The following SCAMP4 variants were observed in gnomAD, a reference collection of about 807,000 sequenced individuals.
The protein encoded by SCAMP4 is secretory carrier-associated membrane protein 4.
A neutral mutation model predicts 32.1 loss-of-function variants in SCAMP4; 19 were observed. That is an observed-to-expected ratio of 0.59 (90% CI 0.41 to 0.87). SCAMP4 has a LOEUF of 0.87. SCAMP4 is among the 40% of genes least tolerant of loss of function. The pLI, the probability that SCAMP4 is intolerant of heterozygous loss-of-function variation, is 0.00. For missense variants in SCAMP4, 302 were observed against 309.0 expected, an observed-to-expected ratio of 0.98 and a Z score of 0.17; for synonymous variants, 152 against 132.7, an observed-to-expected ratio of 1.15 and a Z score of -1.00.
At chr19:1,919,033 A>C (rs748968661) in intron 5 of SCAMP4, 43 bp downstream of exon 5, 2 of 1,570,332 alleles carry the variant, frequency 1.3e-6, no homozygotes, top group South Asian at 2.3e-5. Flanking sequence ...GATGTGGCTC[A>C]GCTGCCAGGT....
At chr19:1,913,119 G>A (rs779984090) in intron 1 of SCAMP4, 4 of 1,584,194 alleles carry the variant, frequency 2.5e-6, no homozygotes, top group Non-Finnish European at 1.7e-6. Context: ...GGTGCTGGAG[G>A]AGCAGTGCCG....
chr19:1,918,085 C>T (rs866131306), intron 3 of SCAMP4, 42 bp from the exon 4 acceptor site: 1 of 1,578,142 alleles, frequency 6.3e-7, no homozygotes, highest in Non-Finnish European at 8.6e-7. Context: ...CACGGCCACA[C>T]CCTCCCGTGC....
rs1433167344 is a variant in SCAMP4, at chr19:1,920,438, C to G, written c.395+1448C>G. The G allele has an allele frequency of 6.6e-6, 4 of 606,692 alleles. No individual in the cohort carries two copies. In the African/African-American group the frequency reaches 8.0e-5, roughly 12 times the overall value. The allele number at this position is 606,692 out of a possible 1,614,324, so 37.6% of individuals were successfully genotyped here. A position where few individuals can be genotyped will look rare whatever the true frequency, so the allele number is the denominator to read the frequency against. ...GCCCCTCGATCTGCAGGCCTCTCCC[C>G]TCCTGCACCTGCGCCTGGCGCCAGG... On this transcript the variant is annotated intron_variant, in intron 5 of 6. Transcript: ENST00000316097.
chr19:1,914,360 C>T (rs1436611678), intron 1 of SCAMP4, among the ~76,000 whole-genome samples: 1 of 152,048 alleles, frequency 6.6e-6, no homozygotes, highest in Non-Finnish European at 1.5e-5. Context: ...CTCCTGGCCC[C>T]GTGCCCGCCC....
At chr19:1,917,970 G>A in intron 3 of SCAMP4, 148 bp downstream of exon 3, 10 of 1,362,682 alleles carry the variant, frequency 7.3e-6, no homozygotes, top group Non-Finnish European at 1.0e-5. Context: ...AACGAGGCTG[G>A]TGTCCAGGCC....
chr19:1,921,715 C>T lies in SCAMP4; in HGVS notation c.396-1355C>T, dbSNP rs535592280. The T allele has an allele frequency of 1.1e-4, 107 of 985,076 alleles. No individual in the cohort carries two copies. In the Admixed American group the frequency reaches 1.2e-3, roughly 11 times the overall value. The allele number at this position is 985,076 out of a possible 1,614,324, so 61.0% of individuals were successfully genotyped here. ...AAAAGAGGCCAGGCATGGTGGCTGA[C>T]GCCTGTAATCCCAGCGCTTTGGGAG... On this transcript the variant is annotated intron_variant, in intron 5 of 6. Coordinates refer to ENST00000316097, the MANE Select transcript of SCAMP4 (RefSeq NM_079834.4).
intron 1 of SCAMP4, chr19:1,912,802 AGGGCCGCGGCAC>A: frequency 6.3e-7 from 1 of 1,575,142 alleles, no homozygotes; most frequent in Non-Finnish European, 8.6e-7. Context: ...GCGCGCGGCC[AGGGCCGCGGCAC>A]CTACGACTTC....
At chr19:1,918,593 C>T (rs909460548) in intron 4 of SCAMP4, 6 of 505,892 alleles carry the variant, frequency 1.2e-5, no homozygotes, top group African/African-American at 1.9e-5. Context: ...GAAACGCTGT[C>T]TCTACTATAG....
rs753028788 is a variant in SCAMP4, at chr19:1,912,933, A to G, written c.-41-2046A>G. The G allele has an allele frequency of 1.9e-6, 3 of 1,610,310 alleles. No individual in the cohort carries two copies. In the South Asian group the frequency reaches 3.3e-5, roughly 18 times the overall value. Reference sequence around the variant, plus strand: ...CGAGGACGGCCTCCCCTACCTGTGCACTGGCTACGACCTGTACGTGACCCG... The same window carrying G: ...CGAGGACGGCCTCCCCTACCTGTGCGCTGGCTACGACCTGTACGTGACCCG... On this transcript the variant is annotated intron_variant, in intron 1 of 6. Coordinates refer to ENST00000316097, the MANE Select transcript of SCAMP4 (RefSeq NM_079834.4).
rs1480852462 is a variant in SCAMP4 at position 1,920,400 on chromosome 19, C to T, written c.395+1410C>T. ...CCCAGGTTTCCTGGGATGGTGACTCCTCTCCCTTCAGGGCCCCTCGATCTG... is the reference window on the plus strand; with the variant it reads ...CCCAGGTTTCCTGGGATGGTGACTCTTCTCCCTTCAGGGCCCCTCGATCTG... On this transcript the variant is annotated intron_variant, in intron 5 of 6. Transcript: ENST00000316097. 5.2e-6 allele frequency: 4 copies of T among 766,750 alleles called. No individual in the cohort carries two copies. The African/African-American group carries it at 7.6e-5, about 14-fold the overall frequency. The allele number at this position is 766,750 out of a possible 1,614,324, so 47.5% of individuals were successfully genotyped here.
chr19:1,918,312 A>G, intron 4 of SCAMP4, 29 bp downstream of exon 4: 1 of 1,558,172 alleles, frequency 6.4e-7, no homozygotes, highest in Non-Finnish European at 8.6e-7. Flanking sequence ...GGCCGTCTGC[A>G]CCCAGAGGGA....
rs757210763 is a variant in SCAMP4 at position 1,924,244 on chromosome 19, C to T, written c.650C>T (p.Pro217Leu). 3 of 1,604,284 alleles carry T rather than the reference C, an allele frequency of 1.9e-6. No homozygotes were observed. Among genetic ancestry groups the T allele is most frequent in the Non-Finnish European group, 2.6e-6 (3 of 1,175,860 alleles). ...TCAGGCAACAGCCTGCCCGAGTACC[C>T]CACTGTGCCCAGCTACCCGGGCAGT... ...NFSGNSLPEY[P>L]TVPSYPGSGQ... is the part of the protein sequence containing the mutation. Residue 217 changes from proline to leucine, a missense_variant, in exon 7 of 7, where the codon CCC becomes CTC. By Grantham distance (98) the Pro-to-Leu change is moderately conservative. Coordinates refer to ENST00000316097, the MANE Select transcript of SCAMP4 (RefSeq NM_079834.4).
At chr19:1,912,902 C>T (rs779445043) in intron 1 of SCAMP4, 5 of 1,608,588 alleles carry the variant, frequency 3.1e-6, no homozygotes, top group Non-Finnish European at 4.2e-6. Context: ...GTAAACTGGA[C>T]GCAGACGAGG....
intron 1 of SCAMP4, among the ~76,000 whole-genome samples, chr19:1,911,738 A>G (rs567118580): frequency 1.5e-4 from 23 of 152,192 alleles, no homozygotes; most frequent in Non-Finnish European, 2.9e-4. Flanking sequence ...AGCTGAGATC[A>G]TGCCACTGTA....
At chr19:1,913,016 C>T (rs778571301) in intron 1 of SCAMP4, 1 of 1,606,430 alleles carries the variant, frequency 6.2e-7, no homozygotes, top group Non-Finnish European at 8.5e-7. Context: ...TGCGCGTCTT[C>T]TACGGTGCGC....
At chr19:1,915,164 G>T in intron 2 of SCAMP4, 138 bp downstream of exon 2, 1 of 1,014,774 alleles carries the variant, frequency 9.9e-7, no homozygotes, top group Non-Finnish European at 1.5e-6. Flanking sequence ...CTCGGGTCCC[G>T]TAGCCCAGCA....
intron 1 of SCAMP4, chr19:1,911,861 A>G (rs1283549388): frequency 1.8e-6 from 1 of 561,206 alleles, no homozygotes; most frequent in East Asian, 3.5e-5. Flanking sequence ...TTTAAAAACC[A>G]ATGGCTGTTT....
chr19:1,922,464 G>A (rs2013948361), intron 5 of SCAMP4: 1 of 855,860 alleles, frequency 1.2e-6, no homozygotes, highest in Non-Finnish European at 1.4e-6. Flanking sequence ...CCAGTTCCTG[G>A]CCTCAAGTGA....
intron 2 of SCAMP4, chr19:1,915,456 A>G: frequency 4.3e-6 from 1 of 233,804 alleles, no homozygotes; most frequent in Non-Finnish European, 8.6e-6. Context: ...TTCCTCAGGC[A>G]GTGCTGGCTG....
Sources: gnomAD v4.1 joint callset for allele counts (sites outside exome capture counted in the v4.1 genomes callset) on GRCh38, gnomAD v4.1.1 for gene constraint, MANE v1.5 for transcripts, NCBI Gene and HGNC (gene_info 2026-07-23, HGNC 2026-07-21) for gene names.